The following SHE variants were observed in gnomAD, a reference collection of about 807,000 sequenced individuals.
SHE encodes the protein SH2 domain-containing adapter protein E.
SHE carries 11 observed loss-of-function variants against 49.8 expected under a neutral mutation model. That is an observed-to-expected ratio of 0.22 (90% CI 0.14 to 0.37). The LOEUF (loss-of-function observed/expected upper bound fraction) is 0.37. Among genes scored for constraint, SHE ranks in the 10% least tolerant of loss-of-function variants. The pLI is 1.00. For synonymous variants in SHE, 310 were observed against 278.1 expected (o/e 1.11, Z -1.14); for missense variants, 624 against 655.5 (o/e 0.95, Z 0.52).
chr1:154,481,323 A>G lies in SHE; in HGVS notation c.*2826T>C, dbSNP rs941510764. On this transcript the variant is annotated 3_prime_UTR_variant, in exon 6 of 6. Coordinates refer to ENST00000304760, the MANE Select transcript of SHE (RefSeq NM_001010846.3). ...ACCTCTGACTTCCCACTAATTTACT[A>G]TATTTCTTCTTATAACCTCCTGTAC... is the stretch of plus-strand genomic sequence containing the variant. 9.1e-6 allele frequency: 9 copies of G among 985,438 alleles called. No homozygotes were observed. Among genetic ancestry groups the G allele is most frequent in the Non-Finnish European group, 9.6e-6 (8 of 829,934 alleles). The allele number at this position is 985,438 out of a possible 1,614,324, so 61.0% of individuals were successfully genotyped here.
chr1:154,490,321 C>G (rs769015976), intron 2 of SHE, among the ~76,000 whole-genome samples: 7 of 152,230 alleles, frequency 4.6e-5, no homozygotes, highest in Non-Finnish European at 1.0e-4. Context: ...TTCTAAGTGT[C>G]TAGTAACTTT....
chr1:154,487,844 T>C (rs1490235004), intron 3 of SHE, among the ~76,000 whole-genome samples: 8 of 140,260 alleles, frequency 5.7e-5, no homozygotes, highest in Non-Finnish European at 3.1e-5. Flanking sequence ...AGTGAGACCC[T>C]GTCTCAAAAA....
chr1:154,488,550 G>T (rs986755599), intron 3 of SHE, among the ~76,000 whole-genome samples: 4 of 151,422 alleles, frequency 2.6e-5, no homozygotes, highest in African/African-American at 4.9e-5. Flanking sequence ...GAGCCACTGT[G>T]CCCGGCTTGG....
In SHE at chr1:154,482,944, C is replaced by T. The variant is rs1168125648; in HGVS notation, c.*1205G>A. The T allele has an allele frequency of 4.1e-6, 4 of 984,678 alleles. No individual in the cohort carries two copies. The highest frequency in any genetic ancestry group is 1.1e-4 in the East Asian group (1 of 8,826). The allele number at this position is 984,678 out of a possible 1,614,324, so 61.0% of individuals were successfully genotyped here. On this transcript the variant is annotated 3_prime_UTR_variant, in exon 6 of 6. Coordinates refer to ENST00000304760, the MANE Select transcript of SHE (RefSeq NM_001010846.3). ...TACAAAGCAAATCTAATTTTAGAGA[C>T]AAAAATTAAAAATTATTCCATAGCA... is the stretch of plus-strand genomic sequence containing the variant.
In SHE at chr1:154,489,189, G is replaced by A. The variant is rs369258464; in HGVS notation, c.886C>T (p.Pro296Ser). 1.0e-4 allele frequency: 163 copies of A among 1,614,054 alleles called. No homozygotes were observed. Among genetic ancestry groups the A allele is most frequent in the Non-Finnish European group, 1.3e-4 (158 of 1,180,040 alleles). Residue 296 changes from proline to serine, a missense_variant, in exon 3 of 6, where the codon CCT becomes TCT. Pro to Ser is a moderately conservative substitution (Grantham distance 74). Around this residue, in one of 4 missense-constraint regions of SHE, gnomAD observed 155 missense variants for 142.0 expected, o/e 1.09. Transcript: ENST00000304760. ...TCTGCCCTGGGCCCCCCTTCTGCAG[G>A]CTCGTAGGGAGTGTCGTATAGCTGT... ...PPQLYDTPYE[P>S]AEGGPRAEGK... is the part of the protein sequence containing the mutation.
At chr1:154,499,844 G>T (rs1412807477) in intron 1 of SHE, among the ~76,000 whole-genome samples, 1 of 152,172 alleles carries the variant, frequency 6.6e-6, no homozygotes, top group East Asian at 1.9e-4. Flanking sequence ...CAAACTGACT[G>T]TCACAGGCTA....
At chr1:154,478,888 T>C (rs145413413), downstream of SHE, among the ~76,000 whole-genome samples, 2,326 of 152,300 alleles carry the variant, frequency 0.015, 53 homozygotes, top group African/African-American at 0.053. Flanking sequence ...AAATGTTTAA[T>C]GGAAGTTAAA....
At position 154,501,536 on chromosome 1, in the gene SHE, C is replaced by G; in HGVS notation, c.491G>C (p.Ser164Thr). 6.2e-7 allele frequency: 1 copy of G among 1,614,190 alleles called. No homozygotes were observed. Among genetic ancestry groups the G allele is most frequent in the Non-Finnish European group, 8.5e-7 (1 of 1,179,996 alleles). ...AGAGGAGCTGGAGCTGGAGCTACTG[C>G]TGCTGGGGTAGTTGCTCTTCCCGTT... ...EKNGKSNYPS[S>T]SSSSSSSSSS... The change falls in exon 1 of 6, where the codon AGC (serine) becomes ACC (threonine). Residue 164 changes from serine to threonine, a missense_variant. Around this residue, in one of 4 missense-constraint regions of SHE, gnomAD observed 337 missense variants for 306.0 expected, o/e 1.10. Coordinates refer to ENST00000304760, the MANE Select transcript of SHE (RefSeq NM_001010846.3).
rs118029321 is a variant in SHE, at chr1:154,470,354, T to C, written c.113A>G (p.His38Arg). The change falls in exon 2 of 2, where the codon CAT (histidine) becomes CGT (arginine). Residue 38 changes from histidine (H) to arginine (R), a missense_variant. Coordinates refer to the SHE transcript ENST00000486773. Reference sequence around the variant, plus strand: ...TTCCAGAAGAACTTAGGAGAGCAGATGGTGATTTCTGTAGAGGATGGCAAG... The same window carrying C: ...TTCCAGAAGAACTTAGGAGAGCAGACGGTGATTTCTGTAGAGGATGGCAAG... 5.6e-5 allele frequency: 72 copies of C among 1,289,206 alleles called. 1 individual carries two copies. In the East Asian group the frequency reaches 3.8e-3, roughly 68 times the overall value. 79.9% of individuals were successfully genotyped at this position (1,289,206 alleles called of 1,614,324 possible). A position where few individuals can be genotyped will look rare whatever the true frequency, so the allele number is the denominator to read the frequency against.
intron 2 of SHE, among the ~76,000 whole-genome samples, chr1:154,494,640 T>C (rs1570853965): frequency 1.3e-5 from 2 of 151,970 alleles, no homozygotes; most frequent in East Asian, 1.9e-4. Flanking sequence ...TTAAAAATAA[T>C]CTTTGACTGG....
Position 154,501,970 on chromosome 1 carries a change from G to A in SHE, c.57C>T (p.Leu19=), listed in dbSNP as rs773633432. 154 of 1,424,640 alleles carry A rather than the reference G, an allele frequency of 1.1e-4. No individual in the cohort carries two copies. Among genetic ancestry groups the A allele is most frequent in the Non-Finnish European group, 1.3e-4 (146 of 1,099,492 alleles). The allele number at this position is 1,424,640 out of a possible 1,614,324, so 88.2% of individuals were successfully genotyped here. ...ASACLGWASS[L]ACSTAPTLLG... ...GGAGCGTCGGGGCCGTGGAGCAGGC[G>A]AGCGAGGAAGCCCAGCCCAGACACG... The change falls in exon 1 of 6, where the codon CTC becomes CTT. Residue 19 remains leucine, a synonymous_variant. Transcript: ENST00000304760.
chr1:154,473,275 C>T (rs1447929440), intron 1 of SHE, among the ~76,000 whole-genome samples: 1 of 151,904 alleles, frequency 6.6e-6, no homozygotes, highest in Non-Finnish European at 1.5e-5. Flanking sequence ...GCTGGGATTA[C>T]AGGTGTGAGC....
At chr1:154,491,762 G>A (rs1692373307) in intron 2 of SHE, among the ~76,000 whole-genome samples, 1 of 152,168 alleles carries the variant, frequency 6.6e-6, no homozygotes, top group African/African-American at 2.4e-5. Flanking sequence ...GGATCTGGAG[G>A]AATACGTCAA....
At position 154,481,274 on chromosome 1, in the gene SHE, AG is replaced by A; in HGVS notation, c.*2874del. 1 of 985,474 alleles carries A rather than the reference AG, an allele frequency of 1.0e-6. No homozygotes were observed. Among genetic ancestry groups the A allele is most frequent in the South Asian group, 4.7e-5 (1 of 21,286 alleles). 61.0% of individuals were successfully genotyped at this position (985,474 alleles called of 1,614,324 possible). On this transcript the variant is annotated 3_prime_UTR_variant, in exon 6 of 6. Transcript: ENST00000304760. The stretch of plus-strand genomic sequence containing the variant: ...GTCAGCTTGTGTCACAACCTCAAGA[AG>A]AAAATAGCTCACTAACGCCCCCACC...
chr1:154,496,242 A>G (rs1692526658), intron 2 of SHE, among the ~76,000 whole-genome samples: 1 of 152,232 alleles, frequency 6.6e-6, no homozygotes, highest in African/African-American at 2.4e-5. Flanking sequence ...CAACTTTTTT[A>G]AAGTTAAGAC....
chr1:154,470,777 T>A (rs1356498390), intron 1 of SHE, among the ~76,000 whole-genome samples: 1 of 151,826 alleles, frequency 6.6e-6, no homozygotes, highest in East Asian at 1.9e-4. Flanking sequence ...GAGACAGAGG[T>A]TGCAGTGAGA....
At chr1:154,496,828 A>G (rs1208167526) in intron 2 of SHE, among the ~76,000 whole-genome samples, 1 of 152,224 alleles carries the variant, frequency 6.6e-6, no homozygotes. Flanking sequence ...TTATCAGTGC[A>G]GCTCTCCAAA....
chr1:154,474,932 A>T (rs917168139), downstream of SHE, among the ~76,000 whole-genome samples: 1 of 152,270 alleles, frequency 6.6e-6, no homozygotes, highest in African/African-American at 2.4e-5. Context: ...TTACTAGGCC[A>T]CTGTGCTGGG....
chr1:154,499,331 C>T, intron 1 of SHE, 93 bp from the exon 2 acceptor site: 1 of 1,411,380 alleles, frequency 7.1e-7, no homozygotes, highest in Admixed American at 2.1e-5. Flanking sequence ...CCTGCATATC[C>T]AAGGAGGTCA....
Sources: gnomAD v4.1 joint callset for allele counts (sites outside exome capture counted in the v4.1 genomes callset) on GRCh38, gnomAD v4.1.1 for gene constraint, gnomAD v4.1.1 regional missense constraint, MANE v1.5 for transcripts, NCBI Gene and HGNC (gene_info 2026-07-23, HGNC 2026-07-21) for gene names.